Variants in TJP3 observed in about 807,000 individuals in gnomAD.
TJP3 encodes the protein tight junction protein ZO-3.
In TJP3, 85 loss-of-function variants were observed where a neutral mutation model predicts 104.2. The ratio of observed to expected loss-of-function variants is 0.82; its 90% CI spans 0.68 to 0.98. The LOEUF (loss-of-function observed/expected upper bound fraction) is 0.98, where lower values mean the gene tolerates loss of function less well. TJP3 is among the 50% of genes least tolerant of loss of function. TJP3 has a pLI of 0.00. For missense variants in TJP3, 1,367 were observed against 1,322.8 expected, an observed-to-expected ratio of 1.03 and a Z score of -0.52; for synonymous variants, 550 against 550.6, an observed-to-expected ratio of 1.00 and a Z score of 0.02.
chr19:3,743,153 A>G (rs998879555), intron 14 of TJP3, among the ~76,000 whole-genome samples: 2 of 151,932 alleles, frequency 1.3e-5, no homozygotes, highest in African/African-American at 4.8e-5. Context: ...AATCCCAGCT[A>G]CTCAGGAGGC....
chr19:3,748,174 G>T, intron 19 of TJP3, 93 bp downstream of exon 19: 1 of 1,426,152 alleles, frequency 7.0e-7, no homozygotes. Flanking sequence ...TTTCTACCAG[G>T]ACGTCAACAA....
rs1436199067 is a variant in TJP3 at position 3,746,577 on chromosome 19, G to A, written c.2103G>A (p.Glu701=). The A allele has an allele frequency of 6.2e-7, 1 of 1,613,814 alleles. No homozygotes were observed. The highest frequency in any genetic ancestry group is 1.7e-5 in the Admixed American group (1 of 60,000). ...CCATTGTGGTCTTCTTCATCCCCGA[G>A]AGCCGGCCGGCCCTCAAGGCACTGC... ...YYPIVVFFIP[E]SRPALKALRQ... Residue 701 remains glutamate (E), a synonymous_variant, in exon 17 of 21, where the codon GAG becomes GAA. Coordinates refer to ENST00000541714, the MANE Select transcript of TJP3 (RefSeq NM_001267560.2). The surrounding 1 kb of genome is among the most constrained non-coding windows in gnomAD (Gnocchi z 4.1).
chr19:3,722,645 T>C (rs1410699698), intron 1 of TJP3, among the ~76,000 whole-genome samples: 1 of 150,168 alleles, frequency 6.7e-6, no homozygotes, highest in Non-Finnish European at 1.5e-5. Flanking sequence ...CCTGGGCTGG[T>C]TTCTTCAGAC....
chr19:3,710,229 G>A (rs1056958401), intron 1 of TJP3, among the ~76,000 whole-genome samples: 6 of 151,900 alleles, frequency 3.9e-5, no homozygotes, highest in Non-Finnish European at 8.8e-5. Flanking sequence ...GTAATAAAGC[G>A]GGTAACAGAT....
intron 1 of TJP3, among the ~76,000 whole-genome samples, chr19:3,708,896 A>G (rs2036408747): frequency 6.6e-6 from 1 of 152,094 alleles, no homozygotes. Context: ...GGGAGGGGAT[A>G]TCAGTCCAGA....
At chr19:3,744,860 G>A (rs180827349) in intron 15 of TJP3, among the ~76,000 whole-genome samples, 1,945 of 151,894 alleles carry the variant, frequency 0.013, 26 homozygotes, top group Middle Eastern at 0.078. Context: ...CCCAGGAGGC[G>A]GAGGGTGCAG....
rs1482446205 is a variant in TJP3, at chr19:3,718,237, GTGTGTGTGTGTGTGTGTGTC to G, written c.-10+9688_-10+9707del. Among the ~76,000 whole-genome samples, 1,194 of 128,050 alleles carry G rather than the reference GTGTGTGTGTGTGTGTGTGTC, an allele frequency of 9.3e-3. 38 individuals are homozygous for G. Among genetic ancestry groups the G allele is most frequent in the African/African-American group, 0.036 (1,141 of 31,610 alleles). 84.0% of individuals were successfully genotyped at this position (128,050 alleles called of 152,430 possible). ...AGTGTGTGTGTGTGTGTGTGTGTGT[GTGTGTGTGTGTGTGTGTGTC>G]TGTGTGTGTGTAGAGATGGAAGTCT... is the stretch of plus-strand genomic sequence containing the variant. On this transcript the variant is annotated intron_variant, in intron 1 of 20. Transcript: ENST00000541714.
Position 3,750,650 on chromosome 19 carries a change from A to G in TJP3, c.2726A>G (p.Asp909Gly). 1 of 1,606,842 alleles carries G rather than the reference A, an allele frequency of 6.2e-7. No homozygotes were observed. Among genetic ancestry groups the G allele is most frequent in the African/African-American group, 1.3e-5 (1 of 74,994 alleles). ...RVHDAESSDE[D>G]GYDWGPATDL ...CATGATGCGGAGTCCTCCGATGAAG[A>G]CGGCTATGACTGGGGTCCGGCCACT... is the stretch of plus-strand genomic sequence containing the variant. Residue 909 changes from aspartate (D) to glycine (G), a missense_variant, in exon 21 of 21, where the codon GAC (aspartate) becomes GGC (glycine). Coordinates refer to ENST00000541714, the MANE Select transcript of TJP3 (RefSeq NM_001267560.2).
chr19:3,736,468 G>T lies in TJP3; in HGVS notation c.1284+147G>T, dbSNP rs949300582. ...TATTTGAACATTTCAGTGTCTCCTT[G>T]GCTGTGTCATGATTTTGCTGATGTC... On this transcript the variant is annotated intron_variant, in intron 11 of 20. Transcript: ENST00000541714. 2.7e-5 allele frequency: 22 copies of T among 812,164 alleles called. No individual in the cohort carries two copies. The African/African-American group carries it at 3.7e-4, about 14-fold the overall frequency. The allele number at this position is 812,164 out of a possible 1,614,324, so 50.3% of individuals were successfully genotyped here. A position where few individuals can be genotyped will look rare whatever the true frequency, so the allele number is the denominator to read the frequency against.
intron 1 of TJP3, among the ~76,000 whole-genome samples, chr19:3,711,060 C>A (rs1353947947): frequency 3.9e-5 from 3 of 76,634 alleles, no homozygotes; most frequent in African/African-American, 1.3e-4. Flanking sequence ...CCCGCCACCA[C>A]ACCCGGCTAA....
intron 6 of TJP3, 132 bp from the exon 7 acceptor site, chr19:3,733,621 C>A: frequency 8.2e-7 from 1 of 1,224,514 alleles, no homozygotes; most frequent in Non-Finnish European, 1.2e-6. Flanking sequence ...TCAACACTTT[C>A]CTTAGGGAGT....
rs780861582 is a variant in TJP3, at chr19:3,734,497, G to A, written c.986+62G>A. 6.1e-6 allele frequency: 9 copies of A among 1,466,046 alleles called. No individual in the cohort carries two copies. In the Admixed American group the frequency reaches 8.3e-5, roughly 13 times the overall value. The allele number at this position is 1,466,046 out of a possible 1,614,324, so 90.8% of individuals were successfully genotyped here. ...GGGAGAGGGAGGTGGGAGGGAGAGG[G>A]GAACGCGGGCGTAGCTTTCCAACTG... is the stretch of plus-strand genomic sequence containing the variant. On this transcript the variant is annotated intron_variant, in intron 8 of 20. Transcript: ENST00000541714.
Position 3,741,055 on chromosome 19 carries a change from C to T in TJP3, c.1843+292C>T, listed in dbSNP as rs544120680. Among the ~76,000 whole-genome samples, 4 of 151,988 alleles carry T rather than the reference C, an allele frequency of 2.6e-5. No individual in the cohort carries two copies. In the South Asian group the frequency reaches 6.2e-4, roughly 24 times the overall value. On this transcript the variant is annotated intron_variant, in intron 14 of 20. Coordinates refer to ENST00000541714, the MANE Select transcript of TJP3 (RefSeq NM_001267560.2). ...TCTTGCTCTGTCTTAGGCTGGAGTG[C>T]AATAGCGTGATCTGAGCTCACTGCA...
chr19:3,729,862 C>T (rs138837763), intron 3 of TJP3, among the ~76,000 whole-genome samples, 166 bp from the exon 4 acceptor site: 4,349 of 151,048 alleles, frequency 0.029, 78 homozygotes, highest in Middle Eastern at 0.11. Flanking sequence ...GGTGAGAAAA[C>T]GGAGGCCCAG....
chr19:3,744,561 G>A (rs1001397115), intron 15 of TJP3, among the ~76,000 whole-genome samples: 7 of 151,996 alleles, frequency 4.6e-5, no homozygotes, highest in South Asian at 2.1e-4. Flanking sequence ...CTACTCGGGA[G>A]GCTGAGGCAG....
chr19:3,710,131 A>G (rs1437498007), intron 1 of TJP3, among the ~76,000 whole-genome samples: 2 of 140,934 alleles, frequency 1.4e-5, no homozygotes, highest in Non-Finnish European at 3.1e-5. Flanking sequence ...CCTGGACAAC[A>G]GAGTGAGACT....
In TJP3 at chr19:3,734,390, G is replaced by C. The variant is rs757955059; in HGVS notation, c.941G>C (p.Arg314Pro). 1.9e-5 allele frequency: 31 copies of C among 1,612,908 alleles called. No homozygotes were observed. In the Middle Eastern group the frequency reaches 6.6e-4, roughly 34 times the overall value. The change falls in exon 8 of 21, where the codon CGG (arginine) becomes CCG (proline). Residue 314 changes from arginine to proline, a missense_variant. Transcript: ENST00000541714. ...APPSHIPPPPRHAQRSPEASQ... is the reference protein window; with the variant it reads ...APPSHIPPPPPHAQRSPEASQ... ...CCATCCCACATCCCACCACCACCCC[G>C]GCATGCTCAGCGGAGCCCCGAGGCC...
In TJP3 at chr19:3,746,484, G is replaced by A; in HGVS notation, c.2011-1G>A. 6.2e-7 allele frequency: 1 copy of A among 1,613,790 alleles called. No homozygotes were observed. The highest frequency in any genetic ancestry group is 8.5e-7 in the Non-Finnish European group (1 of 1,179,986). ...CCCCAACGTCCGCCGGCCTGGCCCA[G>A]GACAAGCATGCGCTCCTGGATGTGA... On this transcript the variant is annotated splice_acceptor_variant, in intron 16 of 20. Transcript: ENST00000541714. LOFTEE classifies it high-confidence loss of function. The surrounding 1 kb of genome is among the most constrained non-coding windows in gnomAD (Gnocchi z 4.1).
At chr19:3,745,523 A>AT (rs1461220645) in intron 15 of TJP3, among the ~76,000 whole-genome samples, 2 of 152,166 alleles carry the variant, frequency 1.3e-5, no homozygotes, top group East Asian at 3.9e-4. Flanking sequence ...ATGCCAGGCT[A>AT]TGTCTCCTTC....
Sources: gnomAD v4.1 joint callset for allele counts (sites outside exome capture counted in the v4.1 genomes callset) on GRCh38, gnomAD v4.1.1 for gene constraint, Gnocchi (gnomAD v3.1) non-coding constraint, MANE v1.5 for transcripts, NCBI Gene and HGNC (gene_info 2026-07-23, HGNC 2026-07-21) for gene names.